MOB1A: variants seen among roughly 807,000 people sequenced by gnomAD.
MOB1A encodes MOB1 Mps One Binder homolog A.
Under a neutral mutation model 25.1 loss-of-function variants are expected in MOB1A, and 10 were observed. The ratio of observed to expected loss-of-function variants is 0.40; its 90% CI spans 0.25 to 0.68. The LOEUF (loss-of-function observed/expected upper bound fraction) is 0.68, where lower values mean the gene tolerates loss of function less well. Ranked by LOEUF, MOB1A falls within the 30% of genes least tolerant of loss-of-function variation. The pLI, the probability that MOB1A is intolerant of heterozygous loss-of-function variation, is 0.40. For missense variants in MOB1A, 177 were observed against 256.3 expected, an observed-to-expected ratio of 0.69 and a Z score of 2.11; for synonymous variants, 81 against 79.5, an observed-to-expected ratio of 1.02 and a Z score of -0.10.
rs1446533899 is a variant in MOB1A, at chr2:74,177,101, T to TC, written c.14+1559dup. Reference sequence around the variant, plus strand: ...GAGTGCGGGAGTGGATCATCTGAGGTCAGGAGTTCGAGACCAGCCTGGCCA... The same window carrying TC: ...GAGTGCGGGAGTGGATCATCTGAGGTCCAGGAGTTCGAGACCAGCCTGGCCA... On this transcript the variant is annotated intron_variant, in intron 1 of 5. Coordinates refer to ENST00000396049, the MANE Select transcript of MOB1A (RefSeq NM_018221.5). 5.7e-4 allele frequency among the ~76,000 whole-genome samples: 87 copies of TC among 151,992 alleles called. 1 individual carries two copies. The highest frequency in any genetic ancestry group is 1.6e-4 in the Non-Finnish European group (11 of 67,956).
intron 3 of MOB1A, among the ~76,000 whole-genome samples, chr2:74,166,671 A>G (rs1693137901): frequency 6.6e-6 from 1 of 152,134 alleles, no homozygotes; most frequent in African/African-American, 2.4e-5. Flanking sequence ...CCCCATTTCT[A>G]CTAAAAATGC....
chr2:74,178,715 G>T lies in MOB1A; in HGVS notation c.-41C>A. 1 of 1,225,066 alleles carries T rather than the reference G, an allele frequency of 8.2e-7. No individual in the cohort carries two copies. Among genetic ancestry groups the T allele is most frequent in the Non-Finnish European group, 1.0e-6 (1 of 952,814 alleles). 75.9% of individuals were successfully genotyped at this position (1,225,066 alleles called of 1,614,324 possible). Reference sequence around the variant, plus strand: ...GGGAGGCGAGGGGCCCCTGGCCCCCGCCTGGATCAGGATTCGGAGCTGGCT... The same window carrying T: ...GGGAGGCGAGGGGCCCCTGGCCCCCTCCTGGATCAGGATTCGGAGCTGGCT... On this transcript the variant is annotated 5_prime_UTR_variant, in exon 1 of 6. Transcript: ENST00000396049.
intron 4 of MOB1A, among the ~76,000 whole-genome samples, chr2:74,161,104 G>A (rs1413679121): frequency 6.6e-6 from 1 of 152,092 alleles, no homozygotes; most frequent in Non-Finnish European, 1.5e-5. Flanking sequence ...GGCCTTAAAG[G>A]CCTGTTCCAC....
At chr2:74,157,296 G>A (rs922808324) in intron 5 of MOB1A, among the ~76,000 whole-genome samples, 10 of 151,998 alleles carry the variant, frequency 6.6e-5, no homozygotes, top group Admixed American at 6.5e-4. Context: ...AGCTGAACAC[G>A]TGGAGGTTCC....
intron 5 of MOB1A, among the ~76,000 whole-genome samples, chr2:74,158,778 C>CAAAAAA (rs58720139): frequency 1.2e-5 from 1 of 82,024 alleles, no homozygotes; most frequent in African/African-American, 4.0e-5. Flanking sequence ...GACCCTGTCT[C>CAAAAAA]AAAAAAAAAA....
chr2:74,172,549 T>A, intron 2 of MOB1A, 37 bp downstream of exon 2: 1 of 1,583,636 alleles, frequency 6.3e-7, no homozygotes, highest in Middle Eastern at 1.7e-4. Flanking sequence ...TAGCAAAACC[T>A]TTCTAGAAAA....
At chr2:74,178,449 C>G (rs940961862) in intron 1 of MOB1A, 3 of 371,200 alleles carry the variant, frequency 8.1e-6, no homozygotes, top group African/African-American at 6.3e-5. Context: ...ACTCCCCAGC[C>G]TTCACGCTCC....
chr2:74,153,055 A>T lies in MOB1A; in HGVS notation c.*3513T>A, dbSNP rs533631877. On this transcript the variant is annotated 3_prime_UTR_variant, in exon 6 of 6. Transcript: ENST00000396049. ...TTACCTCTTTTCAGAACTCTACAAT[A>T]GTAGAAACTAAATTCCCTTATGGAT... is the stretch of plus-strand genomic sequence containing the variant. The T allele has an allele frequency of 6.6e-6, 1 of 152,332 alleles. No individual in the cohort carries two copies. Among genetic ancestry groups the T allele is most frequent in the East Asian group, 1.9e-4 (1 of 5,188 alleles). 9.4% of individuals were successfully genotyped at this position (152,332 alleles called of 1,614,324 possible). A position where few individuals can be genotyped will look rare whatever the true frequency, so the allele number is the denominator to read the frequency against.
At chr2:74,157,727 G>T (rs80326031) in intron 5 of MOB1A, among the ~76,000 whole-genome samples, 2 of 152,114 alleles carry the variant, frequency 1.3e-5, no homozygotes, top group African/African-American at 4.8e-5. Context: ...TCACAGAAGC[G>T]TTCTGTGTGG....
Position 74,172,617 on chromosome 2 carries a change from T to C in MOB1A, c.150A>G (p.Gly50=), listed in dbSNP as rs908372632. The change falls in exon 2 of 6, where the codon GGA becomes GGG. Residue 50 remains glycine (G), a synonymous_variant. Coordinates refer to ENST00000396049, the MANE Select transcript of MOB1A (RefSeq NM_018221.5). ...CAGCAATCCATTCATTGAGATCCTC[T>C]CCCTCAGGCAACATAACAGCTTGTC... ...NLRQAVMLPE[G]EDLNEWIAVN... is the part of the protein sequence containing the mutation. 2 of 1,613,654 alleles carry C rather than the reference T, an allele frequency of 1.2e-6. No homozygotes were observed. The highest frequency in any genetic ancestry group is 2.7e-5 in the African/African-American group (2 of 74,942).
chr2:74,163,614 G>C (rs1181952897), intron 4 of MOB1A, among the ~76,000 whole-genome samples: 2 of 151,974 alleles, frequency 1.3e-5, no homozygotes, highest in African/African-American at 2.4e-5. Flanking sequence ...CTCCAGGCTG[G>C]GGAACAGAGT....
chr2:74,173,672 C>T (rs866435364), intron 1 of MOB1A, among the ~76,000 whole-genome samples: 18 of 150,968 alleles, frequency 1.2e-4, no homozygotes, highest in African/African-American at 2.7e-4. Context: ...GGGGCCATGC[C>T]GGGCGCGGTG....
intron 1 of MOB1A, 63 bp downstream of exon 1, chr2:74,178,598 C>CG: frequency 1.6e-6 from 2 of 1,270,956 alleles, no homozygotes; most frequent in African/African-American, 1.6e-5. Context: ...GCCTCAGGTC[C>CG]GGGGAGGCCT....
chr2:74,159,681 G>A lies in MOB1A; in HGVS notation c.410-427C>T, dbSNP rs186553554. 3.9e-4 allele frequency among the ~76,000 whole-genome samples: 59 copies of A among 152,166 alleles called. 2 individuals are homozygous for A. The highest frequency in any genetic ancestry group is 3.5e-3 in the Admixed American group (54 of 15,272). On this transcript the variant is annotated intron_variant, in intron 4 of 5. Transcript: ENST00000396049. ...CTCTGTATATATTTTTTAAAGCCAA[G>A]GAAATGAAAACCCAAACCCCAATCC...
chr2:74,171,808 C>G (rs1282841232), intron 2 of MOB1A, among the ~76,000 whole-genome samples: 2 of 151,988 alleles, frequency 1.3e-5, no homozygotes, highest in Non-Finnish European at 2.9e-5. Context: ...GAGACTGAGA[C>G]AGGAGAATGG....
chr2:74,153,227 C>G lies in MOB1A; in HGVS notation c.*3341G>C, dbSNP rs1309703317. The G allele has an allele frequency of 6.6e-6, 1 of 152,148 alleles. No homozygotes were observed. The highest frequency in any genetic ancestry group is 1.5e-5 in the Non-Finnish European group (1 of 68,020). 9.4% of individuals were successfully genotyped at this position (152,148 alleles called of 1,614,324 possible). ...CACCATGACTAGGGCTGCTTTAAAA[C>G]AAATTTCTAGGACTTACGCTCTTTG... On this transcript the variant is annotated 3_prime_UTR_variant, in exon 6 of 6. Transcript: ENST00000396049.
chr2:74,161,234 T>C (rs1692962608), intron 4 of MOB1A, among the ~76,000 whole-genome samples: 2 of 152,192 alleles, frequency 1.3e-5, no homozygotes, highest in Admixed American at 6.5e-5. Context: ...ATTTTGCTGA[T>C]GTTTGTGGTT....
chr2:74,165,277 T>G lies in MOB1A; in HGVS notation c.350A>C (p.Tyr117Ser). Residue 117 changes from tyrosine (Y) to serine (S), a missense_variant, in exon 4 of 6, where the codon TAT becomes TCT. Physicochemically the swap from Tyr to Ser is moderately radical, Grantham distance 144 (BLOSUM62 -2). Transcript: ENST00000396049. ...CTGATCTTGAACCCAAGTCATCAAA[T>G]AGTCAATGTATTTTGGTGCAGAACA... is the stretch of plus-strand genomic sequence containing the variant. ...IKCSAPKYID[Y>S]LMTWVQDQLD... 1 of 1,580,028 alleles carries G rather than the reference T, an allele frequency of 6.3e-7. No homozygotes were observed. The highest frequency in any genetic ancestry group is 8.6e-7 in the Non-Finnish European group (1 of 1,161,208).
At chr2:74,178,367 C>CA in intron 1 of MOB1A, 3 of 282,936 alleles carry the variant, frequency 1.1e-5, no homozygotes, top group Non-Finnish European at 2.0e-5. Flanking sequence ...GCTCCGCCCC[C>CA]AGATCGTCTC....
Sources: allele counts gnomAD v4.1 joint callset (sites outside exome capture counted in the v4.1 genomes callset), GRCh38; gene constraint gnomAD v4.1.1; transcripts MANE v1.5; gene names NCBI Gene and HGNC (gene_info 2026-07-23, HGNC 2026-07-21).